COMMD1: variants seen among roughly 807,000 people sequenced by gnomAD.
COMMD1 encodes copper metabolism domain containing 1.
Under a neutral mutation model 17.2 loss-of-function variants are expected in COMMD1, and 10 were observed. The observed-to-expected ratio is 0.58, with a 90% CI of 0.36 to 0.99. The LOEUF (loss-of-function observed/expected upper bound fraction) is 0.99. Ranked by LOEUF, COMMD1 falls within the 50% of genes least tolerant of loss-of-function variation. The probability of loss-of-function intolerance (pLI) is 0.01; values close to 1 mark genes in which losing one functional copy is unlikely to be tolerated. For synonymous variants in COMMD1, 97 were observed against 91.6 expected (o/e 1.06, Z -0.34); for missense variants, 270 against 231.8 (o/e 1.17, Z -1.07).
chr2:62,131,579 A>G lies in COMMD1; in HGVS notation c.463-4252A>G, dbSNP rs142338642. Among the ~76,000 whole-genome samples the G allele has an allele frequency of 5.0e-3, 755 of 151,088 alleles. 3 individuals carry two copies. The highest frequency in any genetic ancestry group is 0.02 in the South Asian group (94 of 4,770). On this transcript the variant is annotated intron_variant, in intron 2 of 2. Coordinates refer to ENST00000311832, the MANE Select transcript of COMMD1 (RefSeq NM_152516.4). ...TTTTCTTGAGACAGGGTCTTACTCT[A>G]TTGCCAAGGCTAGAGTCCAGTGGCA...
chr2:62,001,090 T>G (rs1329094410), intron 2 of COMMD1, 108 bp downstream of exon 2: 1 of 1,066,052 alleles, frequency 9.4e-7, no homozygotes, highest in Non-Finnish European at 1.4e-6. Context: ...GAAAAGACAC[T>G]GTTTCCTAGA....
intron 1 of COMMD1, among the ~76,000 whole-genome samples, chr2:61,960,113 ATGTG>A (rs70946771): frequency 4.0e-5 from 6 of 150,222 alleles, no homozygotes; most frequent in East Asian, 2.0e-4. Context: ...TTTGGAATAT[ATGTG>A]TGTGTGTGTG....
chr2:62,045,730 ATTT>A (rs71410917), intron 2 of COMMD1, among the ~76,000 whole-genome samples: 4 of 84,896 alleles, frequency 4.7e-5, no homozygotes, highest in African/African-American at 1.9e-4. Context: ...TTTCAAGTTA[ATTT>A]TTTTTTTTTT....
intron 2 of COMMD1, among the ~76,000 whole-genome samples, chr2:62,027,222 A>T (rs114627523): frequency 0.012 from 1,836 of 152,290 alleles, 41 homozygotes; most frequent in African/African-American, 0.043. Context: ...TGGACTGTAT[A>T]GGTGTAGCAT....
chr2:62,026,035 G>A (rs1157631469), intron 2 of COMMD1, among the ~76,000 whole-genome samples: 3 of 152,032 alleles, frequency 2.0e-5, no homozygotes, highest in Non-Finnish European at 4.4e-5. Context: ...TTAGGGAAAC[G>A]GGCATGGAGA....
At chr2:62,050,497 T>C (rs1021922096) in intron 2 of COMMD1, among the ~76,000 whole-genome samples, 3 of 152,194 alleles carry the variant, frequency 2.0e-5, no homozygotes. Context: ...TTTGCTTTTG[T>C]TAGGGAAAAA....
chr2:62,000,649 T>C (rs1254933859), intron 1 of COMMD1, 52 bp from the exon 2 acceptor site: 1 of 1,540,208 alleles, frequency 6.5e-7, no homozygotes, highest in East Asian at 2.2e-5. Context: ...AGCTATCTTT[T>C]TCTAATTACC....
chr2:61,890,966 G>C (rs1167091308), intron 1 of COMMD1, among the ~76,000 whole-genome samples: 2 of 152,164 alleles, frequency 1.3e-5, no homozygotes, highest in African/African-American at 4.8e-5. Flanking sequence ...TTAGACAACT[G>C]ATGTAATATG....
intron 1 of COMMD1, among the ~76,000 whole-genome samples, chr2:61,944,931 G>GGTTTT (rs1386948780): frequency 6.6e-6 from 1 of 152,114 alleles, no homozygotes; most frequent in African/African-American, 2.4e-5. Flanking sequence ...CCACGTGCAT[G>GGTTTT]GTTTTGTTTT....
chr2:61,900,778 G>C (rs1319682276), upstream of COMMD1, among the ~76,000 whole-genome samples: 2 of 152,100 alleles, frequency 1.3e-5, no homozygotes, highest in East Asian at 3.8e-4. Flanking sequence ...AGACTTCTGA[G>C]GGATAAAGTA....
chr2:62,033,955 A>T lies in COMMD1; in HGVS notation c.462+32973A>T, dbSNP rs544541403. On this transcript the variant is annotated intron_variant, in intron 2 of 2. Transcript: ENST00000311832. ...GGAGACCCCATTTCTACAAAAATGT[A>T]AAAAAAATAGCCAGGCTGGTGGTGT... is the stretch of plus-strand genomic sequence containing the variant. Among the ~76,000 whole-genome samples the T allele has an allele frequency of 2.8e-4, 43 of 151,760 alleles. 1 individual carries two copies. In the East Asian group the frequency reaches 6.6e-3, roughly 23 times the overall value.
At chr2:61,924,583 G>C (rs961755873) in intron 1 of COMMD1, among the ~76,000 whole-genome samples, 1 of 152,146 alleles carries the variant, frequency 6.6e-6, no homozygotes, top group African/African-American at 2.4e-5. Context: ...GGAGAATTTG[G>C]AAAGTAGAAC....
rs550524520 is a variant in COMMD1, at chr2:61,943,992, C to T, written c.180+38134C>T. ...GGCACTTCCACTTGGCCCCCAGTCA[C>T]CCAGGGACGCCTTTTGGTTGGAAAG... On this transcript the variant is annotated intron_variant, in intron 1 of 2. Coordinates refer to ENST00000311832, the MANE Select transcript of COMMD1 (RefSeq NM_152516.4). Among the ~76,000 whole-genome samples the T allele has an allele frequency of 5.3e-4, 81 of 152,308 alleles. 1 individual carries two copies. Among genetic ancestry groups the T allele is most frequent in the African/African-American group, 1.9e-3 (77 of 41,564 alleles).
At chr2:62,090,880 T>G (rs1378190076) in intron 2 of COMMD1, 1 of 152,214 alleles carries the variant, frequency 6.6e-6, no homozygotes, top group East Asian at 1.9e-4. Flanking sequence ...ATTCTTGTAT[T>G]GTTTATAATA....
chr2:61,963,924 C>G (rs1232691674), intron 1 of COMMD1, among the ~76,000 whole-genome samples: 1 of 152,228 alleles, frequency 6.6e-6, no homozygotes, highest in African/African-American at 2.4e-5. Context: ...CTCTGCTTCA[C>G]TCTCCAGAAT....
chr2:61,926,378 C>T (rs1670330410), intron 1 of COMMD1, among the ~76,000 whole-genome samples: 1 of 152,124 alleles, frequency 6.6e-6, no homozygotes, highest in Non-Finnish European at 1.5e-5. Flanking sequence ...AGAGCCATAT[C>T]CAGCTACAGT....
chr2:62,131,398 C>T (rs573687202), intron 2 of COMMD1, among the ~76,000 whole-genome samples: 1 of 152,300 alleles, frequency 6.6e-6, no homozygotes, highest in Admixed American at 6.5e-5. Flanking sequence ...TTATTTTTAT[C>T]ACCAGTTAAG....
At chr2:62,025,124 G>T (rs1669720421) in intron 2 of COMMD1, among the ~76,000 whole-genome samples, 1 of 152,102 alleles carries the variant, frequency 6.6e-6, no homozygotes, top group African/African-American at 2.4e-5. Context: ...GGTGGCTGAG[G>T]CAAGAGAATC....
intron 2 of COMMD1, among the ~76,000 whole-genome samples, chr2:62,094,749 A>G (rs1326940540): frequency 6.6e-6 from 1 of 152,210 alleles, no homozygotes; most frequent in Non-Finnish European, 1.5e-5. Context: ...TTGAGTTTAC[A>G]AATATGCTTA....
Sources: allele counts gnomAD v4.1 joint callset (sites outside exome capture counted in the v4.1 genomes callset), GRCh38; gene constraint gnomAD v4.1.1; transcripts MANE v1.5; gene names NCBI Gene and HGNC (gene_info 2026-07-23, HGNC 2026-07-21).